Variants in SUMF2 observed in about 807,000 individuals in gnomAD.
The protein encoded by SUMF2 is sulfatase modifying factor 2, also known as inactive C-alpha-formylglycine-generating enzyme 2.
Under a neutral mutation model 44.8 loss-of-function variants are expected in SUMF2, and 45 were observed. That is an observed-to-expected ratio of 1.00 (90% CI 0.79 to 1.29). The LOEUF (loss-of-function observed/expected upper bound fraction) is 1.29, where lower values mean the gene tolerates loss of function less well. SUMF2 is among the 50% of genes most tolerant of loss of function. The pLI, the probability that SUMF2 is intolerant of heterozygous loss-of-function variation, is 0.00. For synonymous variants in SUMF2, 148 were observed against 150.4 expected (o/e 0.98, Z 0.12); for missense variants, 418 against 389.9 (o/e 1.07, Z -0.61).
In SUMF2 at chr7:56,079,769, G is replaced by C; in HGVS notation, c.*157G>C. ...CCTCTGTGGCAGGCGCCTCTCACCA[G>C]GGCAGGAGAGGACTCAGCCTCCTGT... On this transcript the variant is annotated 3_prime_UTR_variant, in exon 9 of 9. Coordinates refer to ENST00000434526, the MANE Select transcript of SUMF2 (RefSeq NM_015411.4). 1 of 1,558,060 alleles carries C rather than the reference G, an allele frequency of 6.4e-7. No individual in the cohort carries two copies.
downstream of SUMF2, among the ~76,000 whole-genome samples, chr7:56,082,535 G>T (rs1353210109): frequency 6.6e-6 from 1 of 152,136 alleles, no homozygotes; most frequent in Non-Finnish European, 1.5e-5. Context: ...GGAGTTTGCA[G>T]TGAGCTGAGA....
At chr7:56,084,783 C>A (rs1389579036), downstream of SUMF2, among the ~76,000 whole-genome samples, 1 of 151,808 alleles carries the variant, frequency 6.6e-6, no homozygotes, top group Non-Finnish European at 1.5e-5. Flanking sequence ...AATCTTCTTA[C>A]CTCCTGGGAT....
At chr7:56,077,642 C>A (rs1224668352) in intron 6 of SUMF2, among the ~76,000 whole-genome samples, 6 of 150,824 alleles carry the variant, frequency 4.0e-5, no homozygotes, top group Admixed American at 6.6e-5. Context: ...CAGAACGAGA[C>A]CCTGCCTCAA....
At chr7:56,074,096 C>A in intron 3 of SUMF2, 78 bp from the exon 4 acceptor site, 1 of 1,265,714 alleles carries the variant, frequency 7.9e-7, no homozygotes, top group Non-Finnish European at 1.1e-6. Flanking sequence ...CGTCTCTGTT[C>A]TGCGTCCTGT....
chr7:56,081,643 CG>C, downstream of SUMF2: 1 of 1,613,556 alleles, frequency 6.2e-7, no homozygotes. The surrounding 1 kb of genome is among the most constrained non-coding windows in gnomAD (Gnocchi z 4.6). Context: ...GAACTTCCCC[CG>C]GGGGCTGAAG....
downstream of SUMF2, chr7:56,084,059 C>T: frequency 1.4e-6 from 1 of 716,512 alleles, no homozygotes. Context: ...GTCCCCTCCC[C>T]AGGTTCCCAT....
Position 56,080,519 on chromosome 7 carries a change from C to T in SUMF2, c.*907C>T. Reference sequence around the variant, plus strand: ...CCTCAAGCGATCCTCCCACCTCGACCTCCCAAAGTGCTGGGATTACAGGTG... The same window carrying T: ...CCTCAAGCGATCCTCCCACCTCGACTTCCCAAAGTGCTGGGATTACAGGTG... On this transcript the variant is annotated 3_prime_UTR_variant, in exon 9 of 9. Transcript: ENST00000434526. 6.1e-6 allele frequency: 1 copy of T among 163,828 alleles called. No homozygotes were observed. The highest frequency in any genetic ancestry group is 1.3e-5 in the Non-Finnish European group (1 of 75,520). 10.1% of individuals were successfully genotyped at this position (163,828 alleles called of 1,614,324 possible).
chr7:56,084,188 G>C (rs1428408452), downstream of SUMF2: 1 of 1,534,854 alleles, frequency 6.5e-7, no homozygotes, highest in Non-Finnish European at 8.7e-7. Flanking sequence ...GGACTTGGGA[G>C]AGTCCCAGCC....
rs779587979 is a variant in SUMF2 at position 56,078,451 on chromosome 7, C to A, written c.764C>A (p.Ala255Glu). 3.1e-6 allele frequency: 5 copies of A among 1,606,954 alleles called. No individual in the cohort carries two copies. In the African/African-American group the frequency reaches 5.4e-5, roughly 17 times the overall value. The change falls in exon 8 of 9, where the codon GCA becomes GAA. Residue 255 changes from alanine (A) to glutamate (E), a missense_variant. Coordinates refer to ENST00000434526, the MANE Select transcript of SUMF2 (RefSeq NM_015411.4). ...CAGGACATGCGCGTCCTCCGGGGGG[C>A]ATCCTGGATCGACACAGCTGATGGC... Reference protein sequence around the residue: ...AEQDMRVLRGASWIDTADGSA... With the variant: ...AEQDMRVLRGESWIDTADGSA...
chr7:56,079,028 C>A, intron 8 of SUMF2: 1 of 584,234 alleles, frequency 1.7e-6, no homozygotes. Context: ...CCTCAAGTAT[C>A]TGGGACTACA....
downstream of SUMF2, chr7:56,081,632 T>G (rs575074725): frequency 1.2e-6 from 2 of 1,613,570 alleles, no homozygotes; most frequent in East Asian, 2.2e-5. This position sits in a 1 kb window ranked among gnomAD's most constrained non-coding sequence, Gnocchi z 4.6. Flanking sequence ...CTTAGTACCT[T>G]GAACTTCCCC....
In SUMF2 at chr7:56,076,848, T is replaced by C. The variant is rs756416356; in HGVS notation, c.550T>C (p.Trp184Arg). ...RGGLKGQVYP[W>R]GNWFQPNRTN... The stretch of plus-strand genomic sequence containing the variant: ...TCTCCTCGCAGGTCAAGTTTACCCA[T>C]GGGGGAACTGGTTCCAGCCAAACCG... Residue 184 changes from tryptophan (W) to arginine (R), a missense_variant, in exon 6 of 9, where the codon TGG (tryptophan) becomes CGG (arginine). Transcript: ENST00000434526. The C allele has an allele frequency of 2.9e-5, 46 of 1,602,104 alleles. No homozygotes were observed. The highest frequency in any genetic ancestry group is 3.5e-5 in the Non-Finnish European group (41 of 1,174,140).
In SUMF2 at chr7:56,079,725, C is replaced by T; in HGVS notation, c.*113C>T. 1 of 1,597,824 alleles carries T rather than the reference C, an allele frequency of 6.3e-7. No individual in the cohort carries two copies. The highest frequency in any genetic ancestry group is 8.5e-7 in the Non-Finnish European group (1 of 1,171,902). On this transcript the variant is annotated 3_prime_UTR_variant, in exon 9 of 9. Coordinates refer to ENST00000434526, the MANE Select transcript of SUMF2 (RefSeq NM_015411.4). ...AGCTTCAGCCTCAGGAAAGAACTTC[C>T]CCTTCCCTGTCTCCCATCCCTCTGT...
chr7:56,067,422 C>T (rs753003793), intron 1 of SUMF2, among the ~76,000 whole-genome samples: 11 of 152,270 alleles, frequency 7.2e-5, no homozygotes, highest in Admixed American at 3.3e-4. Flanking sequence ...TCAAGCAATC[C>T]TCCTGCCTTA....
At chr7:56,083,283 A>G (rs1296982500), downstream of SUMF2, 4 of 1,613,908 alleles carry the variant, frequency 2.5e-6, no homozygotes, top group Non-Finnish European at 2.5e-6. Context: ...CAGACCTCGC[A>G]GCCTCTCTCC....
rs562851022 is a variant in SUMF2, at chr7:56,074,382, C to A, written c.384+164C>A. On this transcript the variant is annotated intron_variant, in intron 4 of 8. Coordinates refer to ENST00000434526, the MANE Select transcript of SUMF2 (RefSeq NM_015411.4). ...GCAGGCCTGTTTCACCTGCCCGAAT[C>A]CTGTTTCCTGTTACCCATCCATTTC... is the stretch of plus-strand genomic sequence containing the variant. 9.2e-6 allele frequency: 9 copies of A among 976,206 alleles called. No individual in the cohort carries two copies. In the South Asian group the frequency reaches 1.3e-4, roughly 14 times the overall value. The allele number at this position is 976,206 out of a possible 1,614,324, so 60.5% of individuals were successfully genotyped here. A position where few individuals can be genotyped will look rare whatever the true frequency, so the allele number is the denominator to read the frequency against.
chr7:56,085,050 T>C (rs1307212021), downstream of SUMF2, among the ~76,000 whole-genome samples: 1 of 152,032 alleles, frequency 6.6e-6, no homozygotes, highest in Admixed American at 6.6e-5. Context: ...AACCTCTGCT[T>C]CCTGGGTTCA....
chr7:56,071,707 C>T (rs1241132316), intron 2 of SUMF2, among the ~76,000 whole-genome samples: 7 of 151,982 alleles, frequency 4.6e-5, no homozygotes, highest in Middle Eastern at 3.4e-3. Context: ...ATCGCTTGAA[C>T]CCAGGAGGTA....
In SUMF2 at chr7:56,074,014, CAAAAAAAAA is replaced by C. The variant is rs56927689; in HGVS notation, c.340-138_340-130del. ...TGAGTGACAGAGCAAGATCTTGTCT[CAAAAAAAAA>C]AAAAAAAAAAAAAAAAAAAAATCAG... On this transcript the variant is annotated intron_variant, in intron 3 of 8. Transcript: ENST00000434526. 1,815 of 320,548 alleles carry C rather than the reference CAAAAAAAAA, an allele frequency of 5.7e-3. 20 individuals carry two copies. Among genetic ancestry groups the C allele is most frequent in the African/African-American group, 0.046 (851 of 18,396 alleles). 19.9% of individuals were successfully genotyped at this position (320,548 alleles called of 1,614,324 possible).
Sources: gnomAD v4.1 joint callset for allele counts (sites outside exome capture counted in the v4.1 genomes callset) on GRCh38, gnomAD v4.1.1 for gene constraint, Gnocchi (gnomAD v3.1) non-coding constraint, MANE v1.5 for transcripts, NCBI Gene and HGNC (gene_info 2026-07-23, HGNC 2026-07-21) for gene names.